Variants in PRSS38 observed in about 807,000 individuals in gnomAD.
The protein encoded by PRSS38 is marapsin 2.
In PRSS38, 22 loss-of-function variants were observed where a neutral mutation model predicts 26.8. That is an observed-to-expected ratio of 0.82 (90% CI 0.59 to 1.17). The LOEUF is 1.17. Ranked by LOEUF, PRSS38 falls within the 50% of genes most tolerant of loss-of-function variation. The probability of loss-of-function intolerance (pLI) is 0.00; values close to 1 mark genes in which losing one functional copy is unlikely to be tolerated. For missense variants in PRSS38, 427 were observed against 422.7 expected, an observed-to-expected ratio of 1.01 and a Z score of -0.09; for synonymous variants, 175 against 172.1, an observed-to-expected ratio of 1.02 and a Z score of -0.13.
intron 3 of PRSS38, among the ~76,000 whole-genome samples, chr1:227,844,904 GCTCCTCCCTATGTGTGGTGGGA>G (rs71180768): frequency 0.35 from 40,811 of 115,770 alleles, 8,552 homozygotes; most frequent in Non-Finnish European, 0.48. Flanking sequence ...TACGGTCAGG[GCTCCTCCCTATGTGTGGTGGGA>G]CTCCTCCCTA....
At chr1:227,842,500 A>T (rs1208603215) in intron 3 of PRSS38, among the ~76,000 whole-genome samples, 1 of 152,154 alleles carries the variant, frequency 6.6e-6, no homozygotes, top group African/African-American at 2.4e-5. Context: ...TCCAACAGGG[A>T]AACTAGAGCA....
intron 3 of PRSS38, among the ~76,000 whole-genome samples, chr1:227,822,182 C>T (rs1665012700): frequency 1.3e-5 from 2 of 151,928 alleles, no homozygotes; most frequent in South Asian, 4.2e-4. Flanking sequence ...CTGTTTGGTT[C>T]CTTTGATAAT....
At chr1:227,828,503 A>G (rs1014102104) in intron 3 of PRSS38, among the ~76,000 whole-genome samples, 8 of 152,156 alleles carry the variant, frequency 5.3e-5, no homozygotes, top group Admixed American at 6.5e-5. Context: ...AGTTAAGACT[A>G]CTGGCTTGGA....
At chr1:227,827,487 T>TAGAAGTGTTTATAGAAGTGTTTATAGA (rs1436146803) in intron 3 of PRSS38, among the ~76,000 whole-genome samples, 1 of 152,182 alleles carries the variant, frequency 6.6e-6, no homozygotes, top group Non-Finnish European at 1.5e-5. Flanking sequence ...GAAGTGTTTA[T>TAGAAGTGTTTATAGAAGTGTTTATAGA]AGTGTTCTCT....
intron 3 of PRSS38, among the ~76,000 whole-genome samples, chr1:227,844,664 CTCCCTATGTGTGGTCAGGGCTTT>C (rs1282307547): frequency 0.013 from 1,869 of 143,120 alleles, 39 homozygotes; most frequent in African/African-American, 0.046. Context: ...TGGTGGGGTC[CTCCCTATGTGTGGTCAGGGCTTT>C]TCCCTATGTG....
chr1:227,816,396 C>A lies in PRSS38; in HGVS notation c.311+144C>A. On this transcript the variant is annotated intron_variant, in intron 2 of 4. Coordinates refer to ENST00000366757, the Ensembl canonical transcript of PRSS38. This position sits in a 1 kb window ranked among gnomAD's most constrained non-coding sequence, Gnocchi z 5.1. ...TGTCGACCCGCGCAAGGCCAGGTCCCCACCAGTGAGGCTGGTCCCCAAACA... is the reference window on the plus strand; with the variant it reads ...TGTCGACCCGCGCAAGGCCAGGTCCACACCAGTGAGGCTGGTCCCCAAACA... The A allele has an allele frequency of 1.2e-6, 1 of 861,220 alleles. No homozygotes were observed. Among genetic ancestry groups the A allele is most frequent in the Non-Finnish European group, 1.8e-6 (1 of 563,394 alleles). The allele number at this position is 861,220 out of a possible 1,614,324, so 53.3% of individuals were successfully genotyped here. A position where few individuals can be genotyped will look rare whatever the true frequency, so the allele number is the denominator to read the frequency against.
rs187795596 is a variant in PRSS38, at chr1:227,834,882, C to A, written c.584-10588C>A. On this transcript the variant is annotated intron_variant, in intron 3 of 4. Transcript: ENST00000366757. ...ATTGAAATTAAAAACTTTTGTATAT[C>A]AAAGACAATACCAAGAAAGTGATAA... 1.2e-3 allele frequency among the ~76,000 whole-genome samples: 175 copies of A among 152,168 alleles called. 1 individual carries two copies. Among genetic ancestry groups the A allele is most frequent in the African/African-American group, 4.0e-3 (165 of 41,500 alleles).
chr1:227,830,453 A>G (rs1158670890), intron 3 of PRSS38, among the ~76,000 whole-genome samples: 2 of 150,222 alleles, frequency 1.3e-5, no homozygotes, highest in South Asian at 2.1e-4. Context: ...TTTCTTATAC[A>G]GGTGTATTCA....
chr1:227,845,477 C>T (rs1572093370), exon 4 of PRSS38: 1 of 1,610,404 alleles, frequency 6.2e-7, no homozygotes, highest in Non-Finnish European at 8.5e-7. Context: ...CAGGTGAGAC[C>T]TCAGACGAGC....
chr1:227,831,139 C>T (rs1665147724), intron 3 of PRSS38, among the ~76,000 whole-genome samples: 1 of 151,764 alleles, frequency 6.6e-6, no homozygotes, highest in Admixed American at 6.6e-5. Flanking sequence ...TGTGACCTTT[C>T]TTCTTCTTCT....
chr1:227,817,295 A>G, exon 3 of PRSS38: 1 of 1,614,202 alleles, frequency 6.2e-7, no homozygotes, highest in Non-Finnish European at 8.5e-7. Flanking sequence ...TATGAGGTGA[A>G]CAGGGTGATC....
chr1:227,836,329 C>T (rs1665237981), intron 3 of PRSS38, among the ~76,000 whole-genome samples: 1 of 152,080 alleles, frequency 6.6e-6, no homozygotes, highest in Non-Finnish European at 1.5e-5. Context: ...TCAAGGGATC[C>T]TCCCGCTTCT....
chr1:227,829,103 T>C (rs1011766029), intron 3 of PRSS38, among the ~76,000 whole-genome samples: 4 of 152,188 alleles, frequency 2.6e-5, no homozygotes, highest in African/African-American at 9.6e-5. Flanking sequence ...GGTGGACCTG[T>C]TTGCCTAGTC....
intron 3 of PRSS38, among the ~76,000 whole-genome samples, chr1:227,818,577 C>T (rs1572079850): frequency 1.4e-5 from 2 of 145,744 alleles, no homozygotes; most frequent in South Asian, 2.1e-4. Flanking sequence ...ACTCAGGAGG[C>T]TAACGTGGAA....
At chr1:227,836,287 A>G (rs1665237236) in intron 3 of PRSS38, among the ~76,000 whole-genome samples, 2 of 151,598 alleles carry the variant, frequency 1.3e-5, no homozygotes, top group Non-Finnish European at 2.9e-5. Flanking sequence ...TTTTGTAGAG[A>G]TGGGGGTCTC....
At chr1:227,833,394 A>T (rs779940181) in intron 3 of PRSS38, among the ~76,000 whole-genome samples, 1 of 152,038 alleles carries the variant, frequency 6.6e-6, no homozygotes, top group Non-Finnish European at 1.5e-5. Flanking sequence ...GGGCGTGGTC[A>T]TGGGTGCCTG....
intron 3 of PRSS38, among the ~76,000 whole-genome samples, chr1:227,839,052 G>A (rs747734215): frequency 6.6e-6 from 1 of 152,170 alleles, no homozygotes; most frequent in Non-Finnish European, 1.5e-5. Context: ...GCGAGGTAAC[G>A]TGGATACATT....
intron 3 of PRSS38, among the ~76,000 whole-genome samples, chr1:227,828,794 C>A (rs1665111005): frequency 6.6e-6 from 1 of 152,190 alleles, no homozygotes; most frequent in Non-Finnish European, 1.5e-5. Context: ...TCCCACCTTG[C>A]TGGGAATCCT....
chr1:227,828,989 C>T (rs1357997338), intron 3 of PRSS38, among the ~76,000 whole-genome samples: 1 of 152,310 alleles, frequency 6.6e-6, no homozygotes, highest in East Asian at 1.9e-4. Flanking sequence ...TGGAATCACA[C>T]AATCACTTCA....
Sources: allele counts gnomAD v4.1 joint callset (sites outside exome capture counted in the v4.1 genomes callset), GRCh38; gene constraint gnomAD v4.1.1; non-coding constraint Gnocchi (gnomAD v3.1); transcripts MANE v1.5; gene names NCBI Gene and HGNC (gene_info 2026-07-23, HGNC 2026-07-21).